RHBDD1: variants seen among roughly 807,000 people sequenced by gnomAD.
RHBDD1 encodes rhomboid domain containing 1.
RHBDD1 carries 38 observed loss-of-function variants against 36.3 expected under a neutral mutation model. The ratio of observed to expected loss-of-function variants is 1.05; its 90% CI spans 0.81 to 1.37. RHBDD1 has a LOEUF of 1.37. Ranked by LOEUF, RHBDD1 falls within the 40% of genes most tolerant of loss-of-function variation. The pLI, the probability that RHBDD1 is intolerant of heterozygous loss-of-function variation, is 0.00. For missense variants in RHBDD1, 393 were observed against 377.6 expected (o/e 1.04, Z -0.34); for synonymous variants, 151 against 136.5 (o/e 1.11, Z -0.74).
At chr2:226,811,583 G>A in the RHBDD1 span, among the ~76,000 whole-genome samples, 3 of 152,280 alleles carry the variant, frequency 2.0e-5, 1 homozygote, top group South Asian at 4.1e-4. Flanking sequence ...GATTACAGGC[G>A]TGAGCCACCA....
chr2:226,855,248 C>A (rs1406499334), intron 3 of RHBDD1, among the ~76,000 whole-genome samples: 1 of 152,202 alleles, frequency 6.6e-6, no homozygotes, highest in East Asian at 1.9e-4. Context: ...TGGCTCACAC[C>A]TGTAATCTCA....
chr2:226,865,171 G>A (rs1161860709), intron 4 of RHBDD1, 45 bp downstream of exon 4: 1 of 1,416,708 alleles, frequency 7.1e-7, no homozygotes, highest in Admixed American at 2.0e-5. Flanking sequence ...AAGGAAGCAA[G>A]GGAGGTGTGG....
chr2:226,905,832 C>G (rs544536929), intron 5 of RHBDD1, among the ~76,000 whole-genome samples: 1 of 152,008 alleles, frequency 6.6e-6, no homozygotes, highest in African/African-American at 2.4e-5. Flanking sequence ...GCATTACAAA[C>G]GGGAAGTGGG....
At chr2:226,991,683 A>G (rs1958251243) in intron 8 of RHBDD1, among the ~76,000 whole-genome samples, 1 of 152,198 alleles carries the variant, frequency 6.6e-6, no homozygotes, top group Non-Finnish European at 1.5e-5. Flanking sequence ...GCTACTCAGT[A>G]TTCCCATTTT....
At chr2:226,913,766 T>C (rs972490975) in intron 7 of RHBDD1, among the ~76,000 whole-genome samples, 8 of 152,226 alleles carry the variant, frequency 5.3e-5, no homozygotes, top group Non-Finnish European at 1.2e-4. Flanking sequence ...CTGTGGGATC[T>C]GTATGAAACA....
chr2:226,945,347 C>T (rs572707034), intron 8 of RHBDD1, among the ~76,000 whole-genome samples: 1 of 151,994 alleles, frequency 6.6e-6, no homozygotes, highest in African/African-American at 2.4e-5. Context: ...GTGTGATGTT[C>T]CCCTCCTTAT....
chr2:226,901,677 A>C (rs978010860), intron 5 of RHBDD1, among the ~76,000 whole-genome samples: 2 of 152,164 alleles, frequency 1.3e-5, no homozygotes, highest in African/African-American at 4.8e-5. Flanking sequence ...TTCATATCAA[A>C]GGAAATAGCA....
At chr2:226,807,788 C>T in the RHBDD1 span, among the ~76,000 whole-genome samples, 3 of 152,136 alleles carry the variant, frequency 2.0e-5, no homozygotes, top group South Asian at 2.1e-4. Context: ...ACAGCAGTGA[C>T]GTAATCTGAC....
At chr2:226,815,234 T>A in the RHBDD1 span, among the ~76,000 whole-genome samples, 1 of 152,238 alleles carries the variant, frequency 6.6e-6, no homozygotes, top group African/African-American at 2.4e-5. Flanking sequence ...TCCTTATTCA[T>A]GAACTCTAAT....
At chr2:226,845,503 A>T (rs1460264974) in intron 3 of RHBDD1, among the ~76,000 whole-genome samples, 1 of 152,200 alleles carries the variant, frequency 6.6e-6, no homozygotes, top group African/African-American at 2.4e-5. Context: ...TAATATTGCC[A>T]CCCTTGTATA....
intron 8 of RHBDD1, among the ~76,000 whole-genome samples, chr2:226,917,391 C>T (rs1575092339): frequency 6.6e-6 from 1 of 152,088 alleles, no homozygotes; most frequent in Middle Eastern, 3.4e-3. Flanking sequence ...TAAAACATTT[C>T]AGTTAAGAAA....
intron 5 of RHBDD1, among the ~76,000 whole-genome samples, chr2:226,902,658 A>C (rs985628517): frequency 2.0e-5 from 3 of 152,214 alleles, no homozygotes; most frequent in African/African-American, 7.2e-5. Flanking sequence ...ATAAGATCAT[A>C]ATCTCATTTT....
chr2:226,993,069 GCC>G (rs1396586788), intron 8 of RHBDD1, among the ~76,000 whole-genome samples: 4 of 152,222 alleles, frequency 2.6e-5, no homozygotes, highest in Non-Finnish European at 5.9e-5. Context: ...CTCCTCGAAT[GCC>G]CTGCAAATGG....
At chr2:226,877,719 G>A (rs889612898) in intron 5 of RHBDD1, among the ~76,000 whole-genome samples, 3 of 152,058 alleles carry the variant, frequency 2.0e-5, no homozygotes, top group Non-Finnish European at 4.4e-5. Flanking sequence ...TACAGCTGAA[G>A]TGCTTTGTGT....
At chr2:226,876,111 A>G (rs995480313) in intron 5 of RHBDD1, among the ~76,000 whole-genome samples, 1 of 152,254 alleles carries the variant, frequency 6.6e-6, no homozygotes, top group Non-Finnish European at 1.5e-5. Context: ...AGGCCAAATC[A>G]TAGAGGGCTT....
chr2:226,946,547 T>G (rs1009989336), intron 8 of RHBDD1, among the ~76,000 whole-genome samples: 6 of 152,202 alleles, frequency 3.9e-5, no homozygotes, highest in Admixed American at 3.9e-4. Context: ...AGTTAATGAA[T>G]TTAGGAGCTG....
rs139992933 is a variant in RHBDD1, at chr2:226,876,882, AAATT to A, written c.566+9568_566+9571del. On this transcript the variant is annotated intron_variant, in intron 5 of 8. Coordinates refer to ENST00000392062, the MANE Select transcript of RHBDD1 (RefSeq NM_001167608.3). ...GTGTTCACATAGATAAGTTTATGAAAAATTAATGTAGTTTTCAAACAAAATGAGA... is the reference window on the plus strand; with the variant it reads ...GTGTTCACATAGATAAGTTTATGAAAAATGTAGTTTTCAAACAAAATGAGA... 6.7e-3 allele frequency among the ~76,000 whole-genome samples: 1,016 copies of A among 152,338 alleles called. 7 individuals carry two copies. Among genetic ancestry groups the A allele is most frequent in the African/African-American group, 0.023 (953 of 41,576 alleles).
intron 3 of RHBDD1, among the ~76,000 whole-genome samples, chr2:226,857,539 C>T (rs915585740): frequency 6.6e-6 from 1 of 152,072 alleles, no homozygotes; most frequent in African/African-American, 2.4e-5. Context: ...TGTCCATCAG[C>T]TGATGAATGG....
At position 226,969,561 on chromosome 2, in the gene RHBDD1, A is replaced by G. The variant is rs188326573; in HGVS notation, c.857-25870A>G. Among the ~76,000 whole-genome samples, 110 of 152,238 alleles carry G rather than the reference A, an allele frequency of 7.2e-4. 1 individual carries two copies. The East Asian group carries it at 8.5e-3, about 12-fold the overall frequency. On this transcript the variant is annotated intron_variant, in intron 8 of 8. Transcript: ENST00000392062. ...GTTCCAAGTTTCTTAGGTAATGGCC[A>G]TTAAGGCCAATTGACTCCGTCACCA... is the stretch of plus-strand genomic sequence containing the variant.
Sources: gnomAD v4.1 joint callset for allele counts (sites outside exome capture counted in the v4.1 genomes callset) on GRCh38, gnomAD v4.1.1 for gene constraint, MANE v1.5 for transcripts, NCBI Gene and HGNC (gene_info 2026-07-23, HGNC 2026-07-21) for gene names.